The following DRD2 variants were observed in gnomAD, a reference collection of about 807,000 sequenced individuals.
The protein encoded by DRD2 is dopamine receptor D2.
Under a neutral mutation model 38.0 loss-of-function variants are expected in DRD2, and 8 were observed. The observed-to-expected ratio is 0.21, with a 90% CI of 0.12 to 0.38. The LOEUF is 0.38. DRD2 is among the 10% of genes least tolerant of loss of function. DRD2 has a pLI of 1.00. For synonymous variants in DRD2, 230 were observed against 238.6 expected (o/e 0.96, Z 0.33); for missense variants, 403 against 607.7 (o/e 0.66, Z 3.54).
intron 2 of DRD2, among the ~76,000 whole-genome samples, chr11:113,419,633 G>A (rs1394365863): frequency 6.6e-6 from 1 of 152,092 alleles, no homozygotes; most frequent in Non-Finnish European, 1.5e-5. Context: ...ACAGGGAGAT[G>A]CACCTTTGGC....
chr11:113,460,777 G>A (rs2119959202), intron 1 of DRD2, among the ~76,000 whole-genome samples: 1 of 152,200 alleles, frequency 6.6e-6, no homozygotes, highest in East Asian at 1.9e-4. Flanking sequence ...AGCTGCCCAG[G>A]GATGAAGACG....
At chr11:113,433,102 C>T (rs114709130) in intron 1 of DRD2, among the ~76,000 whole-genome samples, 228 of 151,964 alleles carry the variant, frequency 1.5e-3, no homozygotes, top group African/African-American at 5.3e-3. Flanking sequence ...TGTGGAGGGT[C>T]TGTGGCGAGG....
At chr11:113,465,247 T>C (rs1951357008) in intron 1 of DRD2, among the ~76,000 whole-genome samples, 1 of 152,154 alleles carries the variant, frequency 6.6e-6, no homozygotes, top group East Asian at 1.9e-4. Flanking sequence ...ATTACAGGTG[T>C]GAGCCACCAC....
chr11:113,467,660 T>G (rs1164069127), intron 1 of DRD2, among the ~76,000 whole-genome samples: 3 of 152,174 alleles, frequency 2.0e-5, no homozygotes, highest in Non-Finnish European at 4.4e-5. Flanking sequence ...ACACTGCCAA[T>G]CAGGGAGGCT....
At chr11:113,452,469 T>TGAGC (rs1210531875) in intron 1 of DRD2, among the ~76,000 whole-genome samples, 1 of 118,784 alleles carries the variant, frequency 8.4e-6, no homozygotes. Context: ...TGTGTGTGTG[T>TGAGC]GCGCGCGCGC....
chr11:113,435,431 G>A (rs183197915), intron 1 of DRD2, among the ~76,000 whole-genome samples: 746 of 152,128 alleles, frequency 4.9e-3, no homozygotes, highest in Non-Finnish European at 8.0e-3. Context: ...TCACCGCTCC[G>A]ATACTGTGTG....
At chr11:113,430,863 G>C (rs981009567) in intron 1 of DRD2, among the ~76,000 whole-genome samples, 1 of 152,196 alleles carries the variant, frequency 6.6e-6, no homozygotes, top group Non-Finnish European at 1.5e-5. Flanking sequence ...TATTTGCCAT[G>C]ATGGTCCCAA....
chr11:113,457,055 A>T (rs1951274472), intron 1 of DRD2, among the ~76,000 whole-genome samples: 1 of 152,176 alleles, frequency 6.6e-6, no homozygotes, highest in South Asian at 2.1e-4. Flanking sequence ...CATAGGAGCC[A>T]CCAGGCTGGG....
intron 1 of DRD2, among the ~76,000 whole-genome samples, chr11:113,452,435 C>CGCGT (rs1951218601): frequency 7.7e-6 from 1 of 130,328 alleles, no homozygotes; most frequent in East Asian, 2.6e-4. Flanking sequence ...GGTGTGCATG[C>CGCGT]GTGTGTGTGT....
chr11:113,411,324 C>T (rs1950767689), intron 7 of DRD2, among the ~76,000 whole-genome samples: 1 of 152,206 alleles, frequency 6.6e-6, no homozygotes, highest in South Asian at 2.1e-4. Context: ...AAAACACTCA[C>T]AACAGCTCTG....
At chr11:113,417,623 A>G (rs1950839755) in intron 3 of DRD2, among the ~76,000 whole-genome samples, 1 of 152,198 alleles carries the variant, frequency 6.6e-6, no homozygotes, top group South Asian at 2.1e-4. Context: ...TAAAATGCAT[A>G]ACCAGATACT....
At chr11:113,457,027 T>G (rs1591299761) in intron 1 of DRD2, among the ~76,000 whole-genome samples, 1 of 152,146 alleles carries the variant, frequency 6.6e-6, no homozygotes, top group East Asian at 1.9e-4. Flanking sequence ...TGTGCAGCAT[T>G]TGAGAGGCAG....
At chr11:113,442,740 A>T (rs1250985549) in intron 1 of DRD2, among the ~76,000 whole-genome samples, 1 of 152,190 alleles carries the variant, frequency 6.6e-6, no homozygotes, top group Non-Finnish European at 1.5e-5. Flanking sequence ...AGGAAGCGCT[A>T]ATCTCTTCAG....
chr11:113,473,580 G>T (rs961714064), intron 1 of DRD2, among the ~76,000 whole-genome samples: 11 of 152,258 alleles, frequency 7.2e-5, no homozygotes, highest in South Asian at 2.1e-4. Flanking sequence ...GCCCTCATTT[G>T]GTTCTAGGTC....
chr11:113,424,309 G>C, intron 2 of DRD2, 58 bp downstream of exon 2: 2 of 1,577,406 alleles, frequency 1.3e-6, no homozygotes, highest in Non-Finnish European at 1.7e-6. Context: ...AGAGTCCCCA[G>C]TGTCCAGTGC....
In DRD2 at chr11:113,475,256, C is replaced by G. The variant is rs1203450132; in HGVS notation, c.-212G>C. 1.3e-5 allele frequency: 2 copies of G among 149,380 alleles called. No individual in the cohort carries two copies. Among genetic ancestry groups the G allele is most frequent in the Admixed American group, 1.3e-4 (2 of 14,992 alleles). The allele number at this position is 149,380 out of a possible 1,614,324, so 9.3% of individuals were successfully genotyped here. On this transcript the variant is annotated 5_prime_UTR_variant, in exon 1 of 8. Coordinates refer to ENST00000362072, the MANE Select transcript of DRD2 (RefSeq NM_000795.4). Reference sequence around the variant, plus strand: ...GAGCCCCGGCGGGCAGCAGCTCGGCCGGCTCTGGCCCGCGGGGAGCAGTGG... The same window carrying G: ...GAGCCCCGGCGGGCAGCAGCTCGGCGGGCTCTGGCCCGCGGGGAGCAGTGG...
At chr11:113,452,967 C>T (rs1386940152) in intron 1 of DRD2, among the ~76,000 whole-genome samples, 1 of 151,930 alleles carries the variant, frequency 6.6e-6, no homozygotes, top group Non-Finnish European at 1.5e-5. Flanking sequence ...CCCTTTTTGC[C>T]TATAGTACTT....
At chr11:113,436,961 C>T (rs913852977) in intron 1 of DRD2, among the ~76,000 whole-genome samples, 2 of 152,086 alleles carry the variant, frequency 1.3e-5, no homozygotes, top group South Asian at 2.1e-4. Flanking sequence ...GCCCTGGGGA[C>T]GAGCCCTGGC....
intron 7 of DRD2, chr11:113,411,501 G>A: frequency 6.5e-6 from 1 of 153,462 alleles, no homozygotes; most frequent in Non-Finnish European, 1.5e-5. Flanking sequence ...ACCCAGGGCA[G>A]CCACCTACCT....
Sources: allele counts gnomAD v4.1 joint callset (sites outside exome capture counted in the v4.1 genomes callset), GRCh38; gene constraint gnomAD v4.1.1; transcripts MANE v1.5; gene names NCBI Gene and HGNC (gene_info 2026-07-23, HGNC 2026-07-21).